Variants in LPIN1 observed in about 807,000 individuals in gnomAD.
LPIN1 encodes the protein lipin 1.
A neutral mutation model predicts 107.5 loss-of-function variants in LPIN1; 71 were observed. The observed-to-expected ratio is 0.66, with a 90% CI of 0.55 to 0.80. LPIN1 has a LOEUF of 0.80. Among genes scored for constraint, LPIN1 ranks in the 30% least tolerant of loss-of-function variants. LPIN1 has a pLI of 0.00. For synonymous variants in LPIN1, 445 were observed against 452.6 expected (o/e 0.98, Z 0.21); for missense variants, 1,043 against 1,160.6 (o/e 0.90, Z 1.47).
At position 11,767,783 on chromosome 2, in the gene LPIN1, G is replaced by A; in HGVS notation, c.213G>A (p.Gly71=). 6.2e-7 allele frequency: 1 copy of A among 1,610,908 alleles called. No individual in the cohort carries two copies. The highest frequency in any genetic ancestry group is 1.3e-5 in the African/African-American group (1 of 74,984). ...TTCAGGTTGACATAGAAATCAATGG[G>A]GAATCTGTGGATTTGCATATGAAAT... is the stretch of plus-strand genomic sequence containing the variant. The part of the protein sequence containing the change: ...REKVVDIEIN[G]ESVDLHMKLG... The change falls in exon 3 of 21, where the codon GGG becomes GGA. Residue 71 remains glycine, a synonymous_variant. Coordinates refer to ENST00000674199, the MANE Select transcript of LPIN1 (RefSeq NM_001349206.2).
chr2:11,779,671 G>T (rs749257910), intron 7 of LPIN1, 26 bp downstream of exon 7: 21 of 1,613,032 alleles, frequency 1.3e-5, no homozygotes, highest in Non-Finnish European at 1.8e-5. Context: ...ATTCTGCCAC[G>T]GACCGAAGAT....
chr2:11,726,398 CA>C (rs1178190385), intron 1 of LPIN1, among the ~76,000 whole-genome samples: 2 of 152,262 alleles, frequency 1.3e-5, no homozygotes, highest in East Asian at 3.9e-4. Flanking sequence ...GAATCCTAAA[CA>C]CGTTTTGAAC....
chr2:11,761,013 C>A (rs888045291), intron 1 of LPIN1, among the ~76,000 whole-genome samples: 2 of 152,208 alleles, frequency 1.3e-5, no homozygotes, highest in African/African-American at 2.4e-5. Context: ...GAGAGCCCCT[C>A]TTCACCAGCC....
At position 11,824,922 on chromosome 2, in the gene LPIN1, T is replaced by G. The variant is rs1452246269; in HGVS notation, c.*131T>G. 2.8e-6 allele frequency: 3 copies of G among 1,065,986 alleles called. No individual in the cohort carries two copies. The African/African-American group carries it at 4.7e-5, about 17-fold the overall frequency. The allele number at this position is 1,065,986 out of a possible 1,614,324, so 66.0% of individuals were successfully genotyped here. On this transcript the variant is annotated 3_prime_UTR_variant, in exon 21 of 21. Transcript: ENST00000674199. Reference sequence around the variant, plus strand: ...TCATTGGCCTGACAGCAGAGAGAATTGAGAAGCATTTCTCCCCTGCCCCAC... The same window carrying G: ...TCATTGGCCTGACAGCAGAGAGAATGGAGAAGCATTTCTCCCCTGCCCCAC...
rs1027342401 is a variant in LPIN1, at chr2:11,803,300, C to T, written c.2013+267C>T. Among the ~76,000 whole-genome samples the T allele has an allele frequency of 6.6e-6, 1 of 152,176 alleles. No homozygotes were observed. Among genetic ancestry groups the T allele is most frequent in the Non-Finnish European group, 1.5e-5 (1 of 68,044 alleles). On this transcript the variant is annotated intron_variant, in intron 15 of 20. Coordinates refer to ENST00000674199, the MANE Select transcript of LPIN1 (RefSeq NM_001349206.2). This position sits in a 1 kb window ranked among gnomAD's most constrained non-coding sequence, Gnocchi z 4.2. ...TTACTAGAGTTAGGAGGAAGGCAGCCTGGCGGAGCTAATTCGTCCTAAGGT... is the reference window on the plus strand; with the variant it reads ...TTACTAGAGTTAGGAGGAAGGCAGCTTGGCGGAGCTAATTCGTCCTAAGGT...
chr2:11,749,398 C>T (rs573377608), intron 1 of LPIN1, among the ~76,000 whole-genome samples: 4 of 152,296 alleles, frequency 2.6e-5, no homozygotes, highest in African/African-American at 9.6e-5. Context: ...GGCCCTGGGG[C>T]TGCTGGGGTC....
At chr2:11,704,143 C>A (rs967219853) in intron 1 of LPIN1, among the ~76,000 whole-genome samples, 2 of 152,230 alleles carry the variant, frequency 1.3e-5, no homozygotes, top group African/African-American at 4.8e-5. Flanking sequence ...TATGACCTAG[C>A]CTCAGAAGAT....
intron 14 of LPIN1, among the ~76,000 whole-genome samples, chr2:11,796,297 G>A (rs906906950): frequency 1.3e-5 from 2 of 152,154 alleles, no homozygotes; most frequent in Non-Finnish European, 2.9e-5. Context: ...TTGCTCAACC[G>A]TCACTGAACC....
At chr2:11,743,547 G>T (rs1237730643), upstream of LPIN1, among the ~76,000 whole-genome samples, 1 of 152,188 alleles carries the variant, frequency 6.6e-6, no homozygotes, top group Admixed American at 6.5e-5. This position sits in a 1 kb window ranked among gnomAD's most constrained non-coding sequence, Gnocchi z 4.7. Flanking sequence ...TCTTAAGAGA[G>T]TGCGCAGGAC....
intron 16 of LPIN1, 88 bp from the exon 17 acceptor site, chr2:11,804,981 TG>T: frequency 1.2e-6 from 1 of 846,064 alleles, no homozygotes; most frequent in Non-Finnish European, 1.9e-6. Flanking sequence ...GTCTTGTTTG[TG>T]TTTTTTTTTT....
At chr2:11,735,146 G>T (rs1429689039) in intron 1 of LPIN1, among the ~76,000 whole-genome samples, 1 of 152,118 alleles carries the variant, frequency 6.6e-6, no homozygotes, top group East Asian at 1.9e-4. Context: ...ACAAAAATTA[G>T]CCGGGCATGG....
At position 11,774,557 on chromosome 2, in the gene LPIN1, G is replaced by A. The variant is rs149469417; in HGVS notation, c.722+812G>A. On this transcript the variant is annotated intron_variant, in intron 5 of 20. Transcript: ENST00000674199. This position sits in a 1 kb window ranked among gnomAD's most constrained non-coding sequence, Gnocchi z 4.4. ...GATAATGAAAAAGAGACTGAGAAAC[G>A]CTGATCTAAATGCCAGTGACATCCT... 6.6e-6 allele frequency among the ~76,000 whole-genome samples: 1 copy of A among 152,248 alleles called. No homozygotes were observed. The highest frequency in any genetic ancestry group is 1.9e-4 in the East Asian group (1 of 5,194).
rs141443021 is a variant in LPIN1 at position 11,824,710 on chromosome 2, G to A, written c.2700G>A (p.Ser900=). The A allele has an allele frequency of 1.9e-5, 31 of 1,613,988 alleles. No homozygotes were observed. The highest frequency in any genetic ancestry group is 1.1e-4 in the African/African-American group (8 of 74,896). The part of the protein sequence containing the change: ...KRSHSSDFPC[S]DTFSNFTFWR... Reference sequence around the variant, plus strand: ...GCCATTCTTCAGACTTTCCCTGTTCGGATACCTTCAGTAACTTCACCTTTT... The same window carrying A: ...GCCATTCTTCAGACTTTCCCTGTTCAGATACCTTCAGTAACTTCACCTTTT... The change falls in exon 21 of 21, where the codon TCG becomes TCA. Residue 900 remains serine (S), a synonymous_variant. Coordinates refer to ENST00000674199, the MANE Select transcript of LPIN1 (RefSeq NM_001349206.2).
chr2:11,788,413 C>A lies in LPIN1; in HGVS notation c.1670C>A (p.Pro557His), dbSNP rs765092602. 106 of 1,613,798 alleles carry A rather than the reference C, an allele frequency of 6.6e-5. No homozygotes were observed. In the Admixed American group the frequency reaches 1.7e-3, roughly 26 times the overall value. ...TATTATAACTGGACAACAGCAGCAC[C>A]CCTCCTCCTGGCAATGCAGGCCTTC... ...SKYYNWTTAAPLLLAMQAFQK... is the reference protein window; with the variant it reads ...SKYYNWTTAAHLLLAMQAFQK... The change falls in exon 12 of 21, where the codon CCC becomes CAC. Residue 557 changes from proline to histidine, a missense_variant. Pro to His is a moderately conservative substitution (Grantham distance 77, BLOSUM62 -2). Coordinates refer to ENST00000674199, the MANE Select transcript of LPIN1 (RefSeq NM_001349206.2).
At chr2:11,824,571 G>A in intron 20 of LPIN1, 61 bp from the exon 21 acceptor site, 1 of 1,572,732 alleles carries the variant, frequency 6.4e-7, no homozygotes, top group South Asian at 1.1e-5. Context: ...ACTTCTACGT[G>A]CAGCCCTGGG....
chr2:11,711,722 G>A (rs1022526650), intron 1 of LPIN1, among the ~76,000 whole-genome samples: 5 of 152,156 alleles, frequency 3.3e-5, no homozygotes, highest in Non-Finnish European at 5.9e-5. Flanking sequence ...TTGTCCCACT[G>A]TCATCACCTT....
chr2:11,732,909 C>CTGTGTGTG (rs1380115459), intron 1 of LPIN1, among the ~76,000 whole-genome samples: 9 of 150,576 alleles, frequency 6.0e-5, no homozygotes, highest in African/African-American at 1.7e-4. Flanking sequence ...CTCTCTCTCT[C>CTGTGTGTG]TCTGTGTGTG....
At chr2:11,772,226 C>T (rs977998505) in intron 4 of LPIN1, among the ~76,000 whole-genome samples, 67 of 152,160 alleles carry the variant, frequency 4.4e-4, no homozygotes, top group African/African-American at 1.5e-3. Context: ...CCAGCTTGCC[C>T]GCCGCTCACC....
intron 1 of LPIN1, chr2:11,713,753 C>T: frequency 2.0e-6 from 3 of 1,493,252 alleles, no homozygotes; most frequent in Non-Finnish European, 2.7e-6. Flanking sequence ...TTTTGTTTTT[C>T]AGATTCCAAT....
Sources: allele counts gnomAD v4.1 joint callset (sites outside exome capture counted in the v4.1 genomes callset), GRCh38; gene constraint gnomAD v4.1.1; non-coding constraint Gnocchi (gnomAD v3.1); transcripts MANE v1.5; gene names NCBI Gene and HGNC (gene_info 2026-07-23, HGNC 2026-07-21).